Variants in PCDHA6 observed in about 807,000 individuals in gnomAD.
PCDHA6 encodes protocadherin alpha 6, also known as protocadherin alpha-6.
A neutral mutation model predicts 60.3 loss-of-function variants in PCDHA6; 55 were observed. The ratio of observed to expected loss-of-function variants is 0.91; its 90% CI spans 0.73 to 1.14. The LOEUF (loss-of-function observed/expected upper bound fraction) is 1.14. Ranked by LOEUF, PCDHA6 falls within the 50% of genes most tolerant of loss-of-function variation. The pLI, the probability that PCDHA6 is intolerant of heterozygous loss-of-function variation, is 0.00. For synonymous variants in PCDHA6, 652 were observed against 557.9 expected, an observed-to-expected ratio of 1.17 and a Z score of -2.38; for missense variants, 1,327 against 1,256.5, an observed-to-expected ratio of 1.06 and a Z score of -0.85.
chr5:140,869,401 G>T, intron 1 of PCDHA6: 1 of 1,614,222 alleles, frequency 6.2e-7, no homozygotes, highest in South Asian at 1.1e-5. Flanking sequence ...CGGGCAGAGC[G>T]CGGAGTGCAG....
chr5:140,830,745 T>G (rs1375923138), intron 1 of PCDHA6: 1 of 192,554 alleles, frequency 5.2e-6, no homozygotes, highest in Non-Finnish European at 1.1e-5. Context: ...TGTCGTTTTC[T>G]GTTGCATTTT....
At chr5:140,875,233 G>C in intron 1 of PCDHA6, 2 of 863,878 alleles carry the variant, frequency 2.3e-6, no homozygotes, top group Non-Finnish European at 3.3e-6. Context: ...GATCTTTCTT[G>C]TACTTACATA....
chr5:140,930,196 T>C (rs1554207641), intron 1 of PCDHA6: 1 of 152,226 alleles, frequency 6.6e-6, no homozygotes, highest in South Asian at 2.1e-4. Flanking sequence ...AATTTTTATG[T>C]CAGAAATATT....
chr5:140,971,202 C>T (rs1486022070), intron 1 of PCDHA6, among the ~76,000 whole-genome samples: 1 of 152,156 alleles, frequency 6.6e-6, no homozygotes, highest in Non-Finnish European at 1.5e-5. Context: ...AGGAAAGACA[C>T]TGTTACCCTC....
rs7710953 is a variant in PCDHA6 at position 140,852,165 on chromosome 5, C to T, written c.2394+21680C>T. On this transcript the variant is annotated intron_variant, in intron 1 of 3. Coordinates refer to ENST00000529310, the MANE Select transcript of PCDHA6 (RefSeq NM_018909.4). ...GATCAGAATGGCCTTGAGAATAGAGCCACAAAAATAACTATGAAAATGCCA... is the reference window on the plus strand; with the variant it reads ...GATCAGAATGGCCTTGAGAATAGAGTCACAAAAATAACTATGAAAATGCCA... 4.5e-3 allele frequency: 3,690 copies of T among 821,522 alleles called. 269 individuals are homozygous for T. In the African/African-American group the frequency reaches 0.065, roughly 14 times the overall value. 50.9% of individuals were successfully genotyped at this position (821,522 alleles called of 1,614,324 possible).
intron 1 of PCDHA6, among the ~76,000 whole-genome samples, chr5:140,905,764 A>G (rs2072069491): frequency 6.6e-6 from 1 of 152,144 alleles, no homozygotes; most frequent in African/African-American, 2.4e-5. Flanking sequence ...TTGGTTAAGT[A>G]TATTCCGAAG....
intron 2 of PCDHA6, 101 bp downstream of exon 2, chr5:140,979,108 A>G: frequency 6.6e-7 from 1 of 1,526,122 alleles, no homozygotes; most frequent in African/African-American, 1.4e-5. Flanking sequence ...AAAACTAAAA[A>G]GCTTTAGGTA....
rs146745311 is a variant in PCDHA6 at position 140,842,835 on chromosome 5, C to G, written c.2394+12350C>G. 9.4e-6 allele frequency: 15 copies of G among 1,593,736 alleles called. 3 individuals are homozygous for G. The African/African-American group carries it at 1.6e-4, about 17-fold the overall frequency. Reference sequence around the variant, plus strand: ...CGGCGGGTGGGCGAGCGCTCGCTGTCGAGCTACATTTCGGTGCACACGGAG... The same window carrying G: ...CGGCGGGTGGGCGAGCGCTCGCTGTGGAGCTACATTTCGGTGCACACGGAG... On this transcript the variant is annotated intron_variant, in intron 1 of 3. Transcript: ENST00000529310.
intron 1 of PCDHA6, among the ~76,000 whole-genome samples, chr5:140,946,631 T>TATATATATATATATACACAC (rs57893927): frequency 7.6e-6 from 1 of 131,856 alleles, no homozygotes; most frequent in East Asian, 2.1e-4. Flanking sequence ...TATATATATA[T>TATATATATATATATACACAC]ACAATGGAAT....
chr5:140,873,933 T>C (rs1347981327), intron 1 of PCDHA6, among the ~76,000 whole-genome samples: 3 of 152,228 alleles, frequency 2.0e-5, no homozygotes. Context: ...AGTGCTGGGA[T>C]TACAGGTGTA....
At chr5:140,982,900 C>G (rs1443607900) in intron 3 of PCDHA6, among the ~76,000 whole-genome samples, 1 of 151,932 alleles carries the variant, frequency 6.6e-6, no homozygotes, top group African/African-American at 2.4e-5. Flanking sequence ...ATCTGGTGGC[C>G]TTATGCACAG....
At chr5:140,834,987 A>G in intron 1 of PCDHA6, 1 of 1,457,052 alleles carries the variant, frequency 6.9e-7, no homozygotes, top group Non-Finnish European at 9.3e-7. Flanking sequence ...ACTTTTAGAC[A>G]GAGAAGAAAC....
chr5:140,836,417 G>A (rs2150260300), intron 1 of PCDHA6: 22 of 1,613,704 alleles, frequency 1.4e-5, no homozygotes, highest in African/African-American at 1.1e-4. Context: ...CACCAAAGGC[G>A]TCGTCGCGGG....
At chr5:140,952,146 C>T (rs1204696324) in intron 1 of PCDHA6, among the ~76,000 whole-genome samples, 1 of 152,062 alleles carries the variant, frequency 6.6e-6, no homozygotes, top group African/African-American at 2.4e-5. Context: ...AGCTCCACTC[C>T]TGTGGCTTTG....
chr5:140,877,371 G>C, intron 1 of PCDHA6: 2 of 1,613,994 alleles, frequency 1.2e-6, no homozygotes, highest in Non-Finnish European at 8.5e-7. Context: ...AGATCAGCAC[G>C]ACACGCATCC....
intron 1 of PCDHA6, chr5:140,883,651 G>T: frequency 6.2e-7 from 1 of 1,613,652 alleles, no homozygotes. Context: ...CCGAGTACAC[G>T]GTGTTCGTGA....
chr5:140,838,785 G>T (rs1377417578), intron 1 of PCDHA6, among the ~76,000 whole-genome samples: 2 of 151,968 alleles, frequency 1.3e-5, no homozygotes, highest in Non-Finnish European at 2.9e-5. Context: ...AGCTATGCAT[G>T]GTGATGCATG....
intron 3 of PCDHA6, among the ~76,000 whole-genome samples, chr5:141,006,057 A>G (rs2098253248): frequency 6.6e-6 from 1 of 152,022 alleles, no homozygotes. Context: ...AGAGTGGAGA[A>G]GAAATAAAAA....
chr5:140,884,295 C>T, intron 1 of PCDHA6: 3 of 1,613,680 alleles, frequency 1.9e-6, no homozygotes, highest in South Asian at 2.2e-5. Context: ...GGCCAAGCGC[C>T]ACAGGCTTCG....
Sources: gnomAD v4.1 joint callset for allele counts (sites outside exome capture counted in the v4.1 genomes callset) on GRCh38, gnomAD v4.1.1 for gene constraint, MANE v1.5 for transcripts, NCBI Gene and HGNC (gene_info 2026-07-23, HGNC 2026-07-21) for gene names.